Variants in NTM observed in about 807,000 individuals in gnomAD.
NTM encodes IgLON family member 2.
In NTM, 13 loss-of-function variants were observed where a neutral mutation model predicts 42.1. The observed-to-expected ratio is 0.31, with a 90% CI of 0.20 to 0.49. The LOEUF is 0.49. Ranked by LOEUF, NTM falls within the 20% of genes least tolerant of loss-of-function variation. NTM has a pLI of 0.99. For missense variants in NTM, 373 were observed against 452.8 expected (o/e 0.82, Z 1.60); for synonymous variants, 187 against 179.2 (o/e 1.04, Z -0.35).
At chr11:131,372,263 A>T (rs1333950195) in intron 1 of NTM, among the ~76,000 whole-genome samples, 1 of 151,950 alleles carries the variant, frequency 6.6e-6, no homozygotes, top group Admixed American at 6.6e-5. Flanking sequence ...GTGATAAGGA[A>T]GTCCAAGGTG....
At chr11:131,700,970 C>T (rs760804212) in intron 1 of NTM, among the ~76,000 whole-genome samples, 11 of 152,174 alleles carry the variant, frequency 7.2e-5, no homozygotes, top group Non-Finnish European at 1.6e-4. Flanking sequence ...TGAGTCCTTA[C>T]AGAAGTTTCT....
At chr11:131,444,443 G>A (rs562373209) in intron 1 of NTM, among the ~76,000 whole-genome samples, 1 of 152,240 alleles carries the variant, frequency 6.6e-6, no homozygotes, top group African/African-American at 2.4e-5. Context: ...AGGAGGTCTT[G>A]GGTGATCTGA....
In NTM at chr11:131,798,180, C is replaced by T. The variant is rs78872242; in HGVS notation, c.83-113384C>T. On this transcript the variant is annotated intron_variant, in intron 1 of 8. Coordinates refer to ENST00000683400, the MANE Select transcript of NTM (RefSeq NM_001352005.2). ...TAAAATAAATTAACTGAAGGTTTGC[C>T]GTAGCGTGGTCCTCATGATCTCCAT... Among the ~76,000 whole-genome samples the T allele has an allele frequency of 2.0e-3, 310 of 152,232 alleles. 6 individuals are homozygous for T. The East Asian group carries it at 0.048, about 24-fold the overall frequency.
At chr11:131,789,623 A>G (rs866916609) in intron 1 of NTM, among the ~76,000 whole-genome samples, 26 of 88,198 alleles carry the variant, frequency 2.9e-4, no homozygotes, top group Non-Finnish European at 4.8e-4. Context: ...GAAGAAGAAG[A>G]AGAAGAAGAA....
chr11:131,825,789 G>A (rs2042056446), intron 1 of NTM, among the ~76,000 whole-genome samples: 1 of 152,092 alleles, frequency 6.6e-6, no homozygotes, highest in Admixed American at 6.5e-5. Context: ...ACAACTGGAT[G>A]GAAAGTGGCA....
At chr11:132,038,416 G>C (rs906680220) in intron 2 of NTM, among the ~76,000 whole-genome samples, 1 of 152,172 alleles carries the variant, frequency 6.6e-6, no homozygotes, top group South Asian at 2.1e-4. Context: ...GCAATTGTTA[G>C]TGCCCGGAGG....
chr11:132,003,920 G>A lies in NTM; in HGVS notation c.167+92272G>A, dbSNP rs539803221. ...CTTTTTGAACATTCTTTAGCCACTC[G>A]ATGGCCCAGAGCCCCATCCTCATTG... On this transcript the variant is annotated intron_variant, in intron 2 of 8. Coordinates refer to ENST00000683400, the MANE Select transcript of NTM (RefSeq NM_001352005.2). This position sits in a 1 kb window ranked among gnomAD's most constrained non-coding sequence, Gnocchi z 6.0. Among the ~76,000 whole-genome samples, 140 of 152,272 alleles carry A rather than the reference G, an allele frequency of 9.2e-4. No homozygotes were observed. Among genetic ancestry groups the A allele is most frequent in the African/African-American group, 1.9e-3 (77 of 41,560 alleles).
intron 2 of NTM, among the ~76,000 whole-genome samples, chr11:132,134,473 C>T (rs1228652561): frequency 3.3e-5 from 5 of 151,574 alleles, no homozygotes; most frequent in Admixed American, 6.6e-5. Flanking sequence ...TTATCCGTTG[C>T]CACCCCTGAC....
intron 1 of NTM, among the ~76,000 whole-genome samples, chr11:131,843,875 G>A (rs940105131): frequency 6.6e-6 from 1 of 151,006 alleles, no homozygotes; most frequent in South Asian, 2.1e-4. Flanking sequence ...TCTCTTATTG[G>A]TTGGTTGGGA....
intron 1 of NTM, among the ~76,000 whole-genome samples, chr11:131,731,064 C>T (rs1390409490): frequency 5.3e-5 from 8 of 152,140 alleles, no homozygotes; most frequent in African/African-American, 1.7e-4. Context: ...GAATTGTTTT[C>T]TCTTATGATT....
chr11:132,178,065 A>G (rs1056915391), intron 3 of NTM, among the ~76,000 whole-genome samples: 2 of 152,246 alleles, frequency 1.3e-5, no homozygotes, highest in African/African-American at 4.8e-5. Context: ...ATTATAAAAT[A>G]TATAGCCACA....
intron 1 of NTM, among the ~76,000 whole-genome samples, chr11:131,421,445 C>T (rs1262191738): frequency 6.6e-6 from 1 of 152,192 alleles, no homozygotes; most frequent in African/African-American, 2.4e-5. Flanking sequence ...CCTTTGGATC[C>T]TTTGACCTTT....
At chr11:132,260,953 C>T (rs770462239) in intron 4 of NTM, among the ~76,000 whole-genome samples, 9 of 152,128 alleles carry the variant, frequency 5.9e-5, no homozygotes, top group African/African-American at 7.2e-5. Flanking sequence ...GAGACAGAGC[C>T]GTTGGCAGCT....
chr11:132,032,505 C>A (rs548158602), intron 2 of NTM, among the ~76,000 whole-genome samples: 10 of 152,078 alleles, frequency 6.6e-5, no homozygotes, highest in Non-Finnish European at 1.3e-4. Flanking sequence ...TTCAGTGATA[C>A]CTCAATTTCA....
intron 1 of NTM, among the ~76,000 whole-genome samples, chr11:131,786,488 G>A (rs2089248922): frequency 6.6e-6 from 1 of 152,148 alleles, no homozygotes; most frequent in Non-Finnish European, 1.5e-5. Flanking sequence ...GAGGTTGGAG[G>A]AAAGCAATTG....
chr11:131,867,417 C>T (rs2047331710), intron 1 of NTM, among the ~76,000 whole-genome samples: 1 of 151,334 alleles, frequency 6.6e-6, no homozygotes, highest in Non-Finnish European at 1.5e-5. Context: ...GTGTTTACGT[C>T]TGTGTGTATC....
At chr11:132,253,714 G>A (rs1308934915) in intron 4 of NTM, among the ~76,000 whole-genome samples, 1 of 152,192 alleles carries the variant, frequency 6.6e-6, no homozygotes, top group Non-Finnish European at 1.5e-5. Context: ...CCAGTCCAGA[G>A]TTACTTATAC....
At chr11:131,568,916 A>G (rs999535706) in intron 1 of NTM, among the ~76,000 whole-genome samples, 22 of 152,298 alleles carry the variant, frequency 1.4e-4, no homozygotes, top group African/African-American at 5.1e-4. Flanking sequence ...AGCTTTATAG[A>G]GATACAATTC....
chr11:132,186,236 C>T (rs1445706996), intron 3 of NTM, among the ~76,000 whole-genome samples: 5 of 152,194 alleles, frequency 3.3e-5, no homozygotes, highest in Non-Finnish European at 7.3e-5. Flanking sequence ...AAGTATTACT[C>T]GATTCCACCT....
Sources: gnomAD v4.1 joint callset for allele counts (sites outside exome capture counted in the v4.1 genomes callset) on GRCh38, gnomAD v4.1.1 for gene constraint, Gnocchi (gnomAD v3.1) non-coding constraint, MANE v1.5 for transcripts, NCBI Gene and HGNC (gene_info 2026-07-23, HGNC 2026-07-21) for gene names.